Variants in NRXN3 observed in about 807,000 individuals in gnomAD.
NRXN3 encodes the protein neurexin III.
In NRXN3, 32 loss-of-function variants were observed where a neutral mutation model predicts 137.6. That is an observed-to-expected ratio of 0.23 (90% CI 0.18 to 0.31). The LOEUF (loss-of-function observed/expected upper bound fraction) is 0.31, where lower values mean the gene tolerates loss of function less well. NRXN3 is among the 10% of genes least tolerant of loss of function. The probability of loss-of-function intolerance (pLI) is 1.00; values close to 1 mark genes in which losing one functional copy is unlikely to be tolerated. For missense variants in NRXN3, 1,574 were observed against 2,062.5 expected (o/e 0.76, Z 4.59); for synonymous variants, 798 against 784.5 (o/e 1.02, Z -0.29).
At chr14:78,493,842 A>G (rs1347721786) in intron 4 of NRXN3, among the ~76,000 whole-genome samples, 1 of 152,224 alleles carries the variant, frequency 6.6e-6, no homozygotes, top group Non-Finnish European at 1.5e-5. Context: ...CCAGGCTAAT[A>G]TAAAACAAAA....
chr14:79,808,926 C>T (rs1297694837), intron 20 of NRXN3, among the ~76,000 whole-genome samples: 2 of 152,112 alleles, frequency 1.3e-5, no homozygotes, highest in Non-Finnish European at 2.9e-5. Flanking sequence ...ATAGCTTAAT[C>T]TTATTATATT....
intron 4 of NRXN3, among the ~76,000 whole-genome samples, chr14:78,376,886 G>A (rs139586483): frequency 1.6e-3 from 251 of 152,212 alleles, no homozygotes; most frequent in African/African-American, 5.7e-3. Flanking sequence ...TATATATAAG[G>A]TAATAACCAG....
At chr14:78,305,507 G>A (rs2077281516) in intron 4 of NRXN3, among the ~76,000 whole-genome samples, 1 of 152,068 alleles carries the variant, frequency 6.6e-6, no homozygotes, top group African/African-American at 2.4e-5. Context: ...GGCCAAACTG[G>A]AAAGATATAA....
intron 15 of NRXN3, among the ~76,000 whole-genome samples, chr14:79,160,258 T>G (rs1469028928): frequency 6.6e-6 from 1 of 151,970 alleles, no homozygotes; most frequent in Non-Finnish European, 1.5e-5. Context: ...TACAAATTCT[T>G]AATCTTAGTT....
intron 1 of NRXN3, among the ~76,000 whole-genome samples, chr14:78,197,055 A>AC (rs1463142699): frequency 6.6e-6 from 1 of 151,922 alleles, no homozygotes; most frequent in African/African-American, 2.4e-5. Flanking sequence ...TCTTTAGGAG[A>AC]CCCTCCTGCT....
At chr14:79,155,378 A>G (rs1211340133) in intron 15 of NRXN3, among the ~76,000 whole-genome samples, 4 of 151,866 alleles carry the variant, frequency 2.6e-5, no homozygotes, top group African/African-American at 4.8e-5. Context: ...TCATTCAAAG[A>G]TGAGTCATGA....
intron 4 of NRXN3, among the ~76,000 whole-genome samples, chr14:78,575,488 C>T (rs2096928017): frequency 6.6e-6 from 1 of 152,150 alleles, no homozygotes; most frequent in South Asian, 2.1e-4. Flanking sequence ...CACTAGAATG[C>T]TTGATCTCTG....
chr14:78,642,993 G>A (rs2097650410), intron 4 of NRXN3, among the ~76,000 whole-genome samples: 1 of 152,122 alleles, frequency 6.6e-6, no homozygotes, highest in Admixed American at 6.5e-5. Flanking sequence ...GACATATGCA[G>A]GTAGATACAT....
At chr14:79,067,977 G>T (rs984799065) in intron 15 of NRXN3, among the ~76,000 whole-genome samples, 1 of 151,976 alleles carries the variant, frequency 6.6e-6, no homozygotes, top group Non-Finnish European at 1.5e-5. Flanking sequence ...CTATGAATAT[G>T]TTGAAGGATT....
intron 4 of NRXN3, among the ~76,000 whole-genome samples, chr14:78,354,737 T>C (rs564411847): frequency 6.6e-6 from 1 of 152,328 alleles, no homozygotes; most frequent in African/African-American, 2.4e-5. Context: ...TCTCTCTTTA[T>C]TGCAAGTGAC....
At chr14:79,376,997 C>G (rs1282850950) in intron 15 of NRXN3, among the ~76,000 whole-genome samples, 2 of 152,178 alleles carry the variant, frequency 1.3e-5, no homozygotes, top group East Asian at 3.9e-4. Flanking sequence ...TGATACAAAG[C>G]TACTAAGTAG....
At chr14:79,133,479 C>T (rs536470883) in intron 15 of NRXN3, among the ~76,000 whole-genome samples, 15 of 152,234 alleles carry the variant, frequency 9.9e-5, no homozygotes, top group African/African-American at 3.1e-4. Flanking sequence ...AGTAAGTGAG[C>T]TTTTGTGTTT....
chr14:78,961,012 ATTTTT>A (rs201893544), intron 11 of NRXN3, among the ~76,000 whole-genome samples: 2 of 137,214 alleles, frequency 1.5e-5, no homozygotes, highest in Admixed American at 7.4e-5. Context: ...GTATTTGCTA[ATTTTT>A]TTTTTTTTTT....
At chr14:79,423,429 C>G (rs576806528) in intron 15 of NRXN3, among the ~76,000 whole-genome samples, 3 of 152,224 alleles carry the variant, frequency 2.0e-5, no homozygotes, top group South Asian at 2.1e-4. Flanking sequence ...ATACTTGAGA[C>G]TAATTAACAA....
intron 15 of NRXN3, among the ~76,000 whole-genome samples, chr14:79,182,465 G>A (rs1003225765): frequency 3.3e-5 from 5 of 151,656 alleles, no homozygotes; most frequent in Non-Finnish European, 7.4e-5. Context: ...CATGAGGAAC[G>A]TGCAACCTAG....
chr14:79,204,684 G>GA, intron 15 of NRXN3, among the ~76,000 whole-genome samples: 1 of 152,146 alleles, frequency 6.6e-6, no homozygotes, highest in Non-Finnish European at 1.5e-5. Context: ...GGCTGTCAGT[G>GA]AAACCAAGCA....
intron 15 of NRXN3, among the ~76,000 whole-genome samples, chr14:79,089,758 C>T (rs1450297711): frequency 6.6e-6 from 1 of 151,994 alleles, no homozygotes; most frequent in African/African-American, 2.4e-5. Flanking sequence ...AGAGAGAAGC[C>T]AAGATCTTTC....
chr14:79,063,848 G>C (rs1252395109), intron 15 of NRXN3, among the ~76,000 whole-genome samples: 1 of 152,062 alleles, frequency 6.6e-6, no homozygotes, highest in Non-Finnish European at 1.5e-5. Context: ...TTGGAATTGT[G>C]GGTCCTTTTT....
At chr14:79,357,737 G>A (rs2093476942) in intron 15 of NRXN3, among the ~76,000 whole-genome samples, 1 of 152,084 alleles carries the variant, frequency 6.6e-6, no homozygotes, top group Non-Finnish European at 1.5e-5. Flanking sequence ...CATACCTTTA[G>A]AAGGATTCAG....
Sources: allele counts gnomAD v4.1 joint callset (sites outside exome capture counted in the v4.1 genomes callset), GRCh38; gene constraint gnomAD v4.1.1; transcripts MANE v1.5; gene names NCBI Gene and HGNC (gene_info 2026-07-23, HGNC 2026-07-21).